Variants in PRKAG2 observed in about 807,000 individuals in gnomAD.
The protein encoded by PRKAG2 is protein kinase AMP-activated non-catalytic subunit gamma 2.
In PRKAG2, 26 loss-of-function variants were observed where a neutral mutation model predicts 69.6. The ratio of observed to expected loss-of-function variants is 0.37; its 90% confidence interval spans 0.27 to 0.52. The LOEUF (loss-of-function observed/expected upper bound fraction) is 0.52. Among genes scored for constraint, PRKAG2 ranks in the 20% least tolerant of loss-of-function variants. PRKAG2 has a pLI of 0.90. For synonymous variants in PRKAG2, 293 were observed against 285.0 expected, an observed-to-expected ratio of 1.03 and a Z score of -0.28; for missense variants, 557 against 740.0, an observed-to-expected ratio of 0.75 and a Z score of 2.87.
chr7:151,736,059 C>A, intron 3 of PRKAG2: 1 of 1,532,984 alleles, frequency 6.5e-7, no homozygotes, highest in Non-Finnish European at 8.7e-7. Flanking sequence ...CGGTGTCAGC[C>A]CCAGGTGGCC....
intron 1 of PRKAG2, among the ~76,000 whole-genome samples, chr7:151,843,058 G>C (rs972083460): frequency 6.6e-5 from 10 of 151,984 alleles, no homozygotes; most frequent in African/African-American, 2.2e-4. Context: ...ACACATACAC[G>C]CAGGCCATGC....
At position 151,590,451 on chromosome 7, in the gene PRKAG2, C is replaced by A. The variant is rs79065800; in HGVS notation, c.864+4894G>T. On this transcript the variant is annotated intron_variant, in intron 6 of 15. Transcript: ENST00000287878. ...GGCATGGATCTGGAAGGAGTGGGAC[C>A]CTGGCACCGGACAGAGGGACATCTG... Among the ~76,000 whole-genome samples, 1,056 of 152,298 alleles carry A rather than the reference C, an allele frequency of 6.9e-3. 20 individuals carry two copies. Among genetic ancestry groups the A allele is most frequent in the African/African-American group, 0.024 (1,001 of 41,546 alleles).
At chr7:151,728,018 C>A (rs556651504) in intron 3 of PRKAG2, among the ~76,000 whole-genome samples, 5 of 152,178 alleles carry the variant, frequency 3.3e-5, no homozygotes, top group Admixed American at 3.3e-4. Flanking sequence ...GAGGCCACTG[C>A]GCTGCTCAGC....
chr7:151,608,798 C>A (rs1235026879), intron 5 of PRKAG2, among the ~76,000 whole-genome samples: 1 of 150,602 alleles, frequency 6.6e-6, no homozygotes, highest in East Asian at 1.9e-4. Context: ...CTTTATATTC[C>A]TTTATAAGAT....
At chr7:151,778,128 GC>G (rs1393571689) in intron 3 of PRKAG2, among the ~76,000 whole-genome samples, 1 of 152,068 alleles carries the variant, frequency 6.6e-6, no homozygotes, top group Non-Finnish European at 1.5e-5. Flanking sequence ...AGTGCTGGAG[GC>G]CCGTTTCCAC....
rs373480582 is a variant in PRKAG2 at position 151,800,095 on chromosome 7, T to G, written c.115-13554A>C. ...CTCACGGGCCGGGTGCGGTGGCTCA[T>G]GCCTGTAATCCCAGCACTTTGGGAG... On this transcript the variant is annotated intron_variant, in intron 1 of 15. Transcript: ENST00000287878. Among the ~76,000 whole-genome samples the G allele has an allele frequency of 1.1e-3, 161 of 152,262 alleles. 2 individuals carry two copies. The highest frequency in any genetic ancestry group is 1.2e-3 in the East Asian group (6 of 5,170).
intron 4 of PRKAG2, among the ~76,000 whole-genome samples, chr7:151,645,556 T>C (rs1426203177): frequency 6.6e-6 from 1 of 152,158 alleles, no homozygotes; most frequent in Non-Finnish European, 1.5e-5. Flanking sequence ...GGTAATCTCT[T>C]ACACAACTAG....
Position 151,835,910 on chromosome 7 carries a change from T to C in PRKAG2, c.114+40597A>G, listed in dbSNP as rs1262101944. ...TCCGTATTCAAGAGTGGGGTGCAGC[T>C]CAGGGAGGCATCGGAGATGGGGACT... is the stretch of plus-strand genomic sequence containing the variant. On this transcript the variant is annotated intron_variant, in intron 1 of 15. Transcript: ENST00000287878. The surrounding 1 kb of genome is among the most constrained non-coding windows in gnomAD (Gnocchi z 4.1). Among the ~76,000 whole-genome samples the C allele has an allele frequency of 6.6e-6, 1 of 152,096 alleles. No homozygotes were observed. Among genetic ancestry groups the C allele is most frequent in the African/African-American group, 2.4e-5 (1 of 41,418 alleles).
At chr7:151,619,701 C>T (rs566873757) in intron 5 of PRKAG2, among the ~76,000 whole-genome samples, 1 of 152,160 alleles carries the variant, frequency 6.6e-6, no homozygotes, top group East Asian at 1.9e-4. Context: ...TATGTATATG[C>T]AAATATTCCA....
intron 2 of PRKAG2, 113 bp downstream of exon 2, chr7:151,786,357 G>T: frequency 9.8e-7 from 1 of 1,020,318 alleles, no homozygotes; most frequent in African/African-American, 1.6e-5. Flanking sequence ...GTGTGCAAGC[G>T]GACATGCGGG....
intron 1 of PRKAG2, among the ~76,000 whole-genome samples, chr7:151,804,431 G>A (rs1396483636): frequency 6.6e-6 from 1 of 152,212 alleles, no homozygotes; most frequent in Admixed American, 6.5e-5. Flanking sequence ...AACAGATCTC[G>A]TGAGAACTCA....
intron 5 of PRKAG2, among the ~76,000 whole-genome samples, chr7:151,613,400 T>C (rs973941408): frequency 9.2e-5 from 14 of 152,196 alleles, no homozygotes; most frequent in Non-Finnish European, 2.9e-5. Context: ...TTTTGGATTT[T>C]TGAATTAGGA....
At position 151,756,818 on chromosome 7, in the gene PRKAG2, T is replaced by G. The variant is rs1434499282; in HGVS notation, c.466+24334A>C. On this transcript the variant is annotated intron_variant, in intron 3 of 15. Transcript: ENST00000287878. The surrounding 1 kb of genome is among the most constrained non-coding windows in gnomAD (Gnocchi z 4.9). ...CCTTTATAACCACGCAGCCACATAA[T>G]CAGAACTGTGACGTCCGTGTATTAA... Among the ~76,000 whole-genome samples, 1 of 152,086 alleles carries G rather than the reference T, an allele frequency of 6.6e-6. No homozygotes were observed. Among genetic ancestry groups the G allele is most frequent in the Non-Finnish European group, 1.5e-5 (1 of 68,028 alleles).
intron 1 of PRKAG2, among the ~76,000 whole-genome samples, chr7:151,794,979 G>C (rs1242274232): frequency 3.9e-5 from 6 of 152,174 alleles, no homozygotes; most frequent in Admixed American, 6.5e-5. Context: ...TGACCAGCTG[G>C]GGGTGGCCAT....
At chr7:151,695,859 G>A (rs914266657) in intron 3 of PRKAG2, among the ~76,000 whole-genome samples, 1 of 152,166 alleles carries the variant, frequency 6.6e-6, no homozygotes, top group African/African-American at 2.4e-5. Flanking sequence ...ACTCTTGGTG[G>A]TCTGAATTCT....
At chr7:151,602,115 T>C (rs1210368310) in intron 5 of PRKAG2, among the ~76,000 whole-genome samples, 1 of 152,244 alleles carries the variant, frequency 6.6e-6, no homozygotes, top group African/African-American at 2.4e-5. Flanking sequence ...ATGACGCTCC[T>C]CGCGCAGCCG....
chr7:151,725,610 C>T (rs1021010605), intron 3 of PRKAG2, among the ~76,000 whole-genome samples: 19 of 150,494 alleles, frequency 1.3e-4, no homozygotes. Context: ...TACCATTCCA[C>T]AGAAGAGCTA....
intron 3 of PRKAG2, among the ~76,000 whole-genome samples, chr7:151,766,519 A>G (rs1425094964): frequency 6.6e-6 from 1 of 152,260 alleles, no homozygotes; most frequent in Non-Finnish European, 1.5e-5. Flanking sequence ...GATAAGTCCC[A>G]GGAGAGAGTA....
At chr7:151,726,382 ACACACACACACACACACACG>A (rs1436238857) in intron 3 of PRKAG2, among the ~76,000 whole-genome samples, 1 of 86,070 alleles carries the variant, frequency 1.2e-5, no homozygotes, top group African/African-American at 3.0e-5. Flanking sequence ...ACACACACAC[ACACACACACACACACACACG>A]CACACACACA....
Sources: gnomAD v4.1 joint callset for allele counts (sites outside exome capture counted in the v4.1 genomes callset) on GRCh38, gnomAD v4.1.1 for gene constraint, Gnocchi (gnomAD v3.1) non-coding constraint, MANE v1.5 for transcripts, NCBI Gene and HGNC (gene_info 2026-07-23, HGNC 2026-07-21) for gene names.